Variants in ADAMTSL3 observed in about 807,000 individuals in gnomAD.
ADAMTSL3 encodes ADAMTS-like protein 3.
ADAMTSL3 carries 128 observed loss-of-function variants against 201.7 expected under a neutral mutation model. The observed-to-expected ratio is 0.63, with a 90% CI of 0.55 to 0.73. The LOEUF is 0.73. Ranked by LOEUF, ADAMTSL3 falls within the 30% of genes least tolerant of loss-of-function variation. The pLI is 0.00. For synonymous variants in ADAMTSL3, 738 were observed against 748.4 expected (o/e 0.99, Z 0.23); for missense variants, 1,990 against 2,119.6 (o/e 0.94, Z 1.20).
chr15:84,019,282 C>T (rs918611133), intron 25 of ADAMTSL3, among the ~76,000 whole-genome samples: 15 of 152,062 alleles, frequency 9.9e-5, no homozygotes, highest in African/African-American at 2.7e-4. Flanking sequence ...GCAACTGAAA[C>T]GCTCATGCAT....
chr15:83,789,357 G>A (rs971250286), intron 4 of ADAMTSL3, among the ~76,000 whole-genome samples: 1 of 152,084 alleles, frequency 6.6e-6, no homozygotes, highest in Non-Finnish European at 1.5e-5. Flanking sequence ...ATCTCTGAGA[G>A]TATGAATAGA....
intron 6 of ADAMTSL3, among the ~76,000 whole-genome samples, chr15:83,829,212 T>C (rs1478476273): frequency 6.6e-6 from 1 of 152,218 alleles, no homozygotes; most frequent in Non-Finnish European, 1.5e-5. Context: ...GAGCCTGTTA[T>C]TGGTCTATTC....
At chr15:83,743,519 CAAAAAA>C (rs759218799) in intron 3 of ADAMTSL3, among the ~76,000 whole-genome samples, 1 of 57,098 alleles carries the variant, frequency 1.8e-5, no homozygotes, top group African/African-American at 6.1e-5. Context: ...GACTCCGTCT[CAAAAAA>C]AAAAAAAAAA....
Position 83,897,950 on chromosome 15 carries a change from G to A in ADAMTSL3, c.1560G>A (p.Leu520=), listed in dbSNP as rs770834290. The A allele has an allele frequency of 6.2e-7, 1 of 1,613,924 alleles. No individual in the cohort carries two copies. The highest frequency in any genetic ancestry group is 8.5e-7 in the Non-Finnish European group (1 of 1,179,860). The change falls in exon 14 of 30, where the codon CTG becomes CTA. Residue 520 remains leucine, a synonymous_variant. Coordinates refer to ENST00000286744, the MANE Select transcript of ADAMTSL3 (RefSeq NM_207517.3). ...GEHVGGCNPQ[L]KLHIKEECVI... The stretch of plus-strand genomic sequence containing the variant: ...ATGTTGGGGGCTGCAATCCACAACT[G>A]AAGTTACACATCAAAGAAGAATGTG...
intron 23 of ADAMTSL3, among the ~76,000 whole-genome samples, chr15:84,005,951 T>G (rs2067886702): frequency 6.6e-6 from 1 of 152,220 alleles, no homozygotes; most frequent in Non-Finnish European, 1.5e-5. Flanking sequence ...TGGAGACAGT[T>G]CTGGATATGG....
chr15:83,824,379 C>T (rs1449253025), intron 6 of ADAMTSL3, among the ~76,000 whole-genome samples: 1 of 152,088 alleles, frequency 6.6e-6, no homozygotes, highest in East Asian at 1.9e-4. Flanking sequence ...GGAATTTTCC[C>T]ATAGGACCCC....
chr15:84,011,964 A>G lies in ADAMTSL3; in HGVS notation c.3974-2578A>G, dbSNP rs188508062. On this transcript the variant is annotated intron_variant, in intron 23 of 29. Coordinates refer to ENST00000286744, the MANE Select transcript of ADAMTSL3 (RefSeq NM_207517.3). ...TGTATTGGTATAAATCTCAGCTCCA[A>G]TGTTTAATAGCTGTGACCTTTCAGA... Among the ~76,000 whole-genome samples the G allele has an allele frequency of 5.7e-3, 866 of 152,326 alleles. 12 individuals carry two copies. The highest frequency in any genetic ancestry group is 0.02 in the African/African-American group (833 of 41,566).
chr15:83,798,279 T>G (rs1056932932), intron 4 of ADAMTSL3, among the ~76,000 whole-genome samples: 5 of 152,206 alleles, frequency 3.3e-5, no homozygotes, highest in African/African-American at 1.2e-4. Flanking sequence ...CCTGAGAATC[T>G]CCAAATTTGC....
At chr15:83,988,492 C>T (rs1359802901) in intron 21 of ADAMTSL3, among the ~76,000 whole-genome samples, 199 bp from the exon 22 acceptor site, 1 of 152,126 alleles carries the variant, frequency 6.6e-6, no homozygotes, top group Non-Finnish European at 1.5e-5. Flanking sequence ...TGCTGTTAAC[C>T]TATAGCAAGA....
intron 15 of ADAMTSL3, among the ~76,000 whole-genome samples, chr15:83,901,098 A>G (rs1050759070): frequency 6.6e-6 from 1 of 152,182 alleles, no homozygotes; most frequent in African/African-American, 2.4e-5. Context: ...GGCACATCAC[A>G]CTCATGACAG....
At position 84,037,729 on chromosome 15, in the gene ADAMTSL3, A is replaced by ATGTT; in HGVS notation, c.5003_5006dup (p.Lys1670CysfsTer5). On this transcript the variant is annotated frameshift_variant, in exon 30 of 30. Transcript: ENST00000286744. LOFTEE classifies it high-confidence loss of function. ...CTGCACAGACACAACTCACTACTGT[A>ATGTT]TGTTTGTAAAACATCTTAATTTGTG... The ATGTT allele has an allele frequency of 6.2e-7, 1 of 1,613,050 alleles. No individual in the cohort carries two copies. The highest frequency in any genetic ancestry group is 1.3e-5 in the African/African-American group (1 of 74,994).
chr15:83,853,023 T>G (rs2064652847), intron 7 of ADAMTSL3, among the ~76,000 whole-genome samples: 1 of 152,006 alleles, frequency 6.6e-6, no homozygotes, highest in Admixed American at 6.5e-5. Context: ...CCAGCTAAAT[T>G]TTGTGTTTTT....
chr15:83,794,438 A>G (rs1315224003), intron 4 of ADAMTSL3, among the ~76,000 whole-genome samples: 2 of 152,344 alleles, frequency 1.3e-5, no homozygotes. Context: ...CATTAAACAA[A>G]TGGTGTTACA....
chr15:83,846,247 A>G (rs2064495569), intron 7 of ADAMTSL3, among the ~76,000 whole-genome samples: 1 of 152,200 alleles, frequency 6.6e-6, no homozygotes, highest in South Asian at 2.1e-4. Context: ...GTTATGTGTG[A>G]CATTATTTAT....
At chr15:83,931,827 C>CAGTTTCTAAG (rs1282843747) in intron 17 of ADAMTSL3, among the ~76,000 whole-genome samples, 4 of 152,040 alleles carry the variant, frequency 2.6e-5, no homozygotes, top group Admixed American at 2.6e-4. Context: ...AATGACAGTT[C>CAGTTTCTAAG]AGTTTCTAAG....
chr15:84,034,197 TC>T (rs1212264453), intron 28 of ADAMTSL3, among the ~76,000 whole-genome samples: 3 of 151,998 alleles, frequency 2.0e-5, no homozygotes, highest in African/African-American at 7.3e-5. Flanking sequence ...AGCCCCCTTT[TC>T]CCCACAGACC....
chr15:83,835,389 TC>T (rs772922214), intron 6 of ADAMTSL3, among the ~76,000 whole-genome samples: 71 of 152,316 alleles, frequency 4.7e-4, no homozygotes, highest in Non-Finnish European at 7.5e-4. Context: ...TGTGATGTTT[TC>T]ACATGCTTTA....
intron 2 of ADAMTSL3, among the ~76,000 whole-genome samples, chr15:83,699,312 C>T (rs1022484842): frequency 4.6e-5 from 7 of 152,148 alleles, no homozygotes; most frequent in African/African-American, 1.7e-4. Flanking sequence ...AAATCAGTTT[C>T]TGCCTCAGGG....
At chr15:83,950,407 T>C (rs1222728701) in intron 19 of ADAMTSL3, among the ~76,000 whole-genome samples, 1 of 152,088 alleles carries the variant, frequency 6.6e-6, no homozygotes, top group Non-Finnish European at 1.5e-5. Context: ...TGGTTACTAT[T>C]ATCTCTGTAG....
Sources: allele counts gnomAD v4.1 joint callset (sites outside exome capture counted in the v4.1 genomes callset), GRCh38; gene constraint gnomAD v4.1.1; transcripts MANE v1.5; gene names NCBI Gene and HGNC (gene_info 2026-07-23, HGNC 2026-07-21).